The following BAZ2B variants were observed in gnomAD, a reference collection of about 807,000 sequenced individuals.
The protein encoded by BAZ2B is bromodomain adjacent to zinc finger domain protein 2B.
In BAZ2B, 91 loss-of-function variants were observed where a neutral mutation model predicts 246.0. The observed-to-expected ratio is 0.37, with a 90% confidence interval of 0.31 to 0.44. The LOEUF is 0.44. Among genes scored for constraint, BAZ2B ranks in the 20% least tolerant of loss-of-function variants. BAZ2B has a pLI of 1.00. For synonymous variants in BAZ2B, 855 were observed against 860.0 expected (o/e 0.99, Z 0.10); for missense variants, 2,332 against 2,533.7 (o/e 0.92, Z 1.71).
At chr2:159,498,965 A>G (rs909704598) in intron 2 of BAZ2B, among the ~76,000 whole-genome samples, 83 of 152,250 alleles carry the variant, frequency 5.5e-4, no homozygotes, top group African/African-American at 2.0e-3. Flanking sequence ...GGCCAAATAC[A>G]TAACAAAATA....
chr2:159,652,040 T>C, the BAZ2B span, among the ~76,000 whole-genome samples: 1 of 152,196 alleles, frequency 6.6e-6, no homozygotes. Context: ...ATGTATTTAT[T>C]CCACTCTTTT....
chr2:159,398,711 T>C, intron 18 of BAZ2B, 118 bp downstream of exon 18: 2 of 878,176 alleles, frequency 2.3e-6, no homozygotes, highest in Non-Finnish European at 3.4e-6. Flanking sequence ...TAGTATCTGC[T>C]AAACATATTT....
At chr2:159,513,130 C>T (rs1412870423) in intron 2 of BAZ2B, among the ~76,000 whole-genome samples, 2 of 152,084 alleles carry the variant, frequency 1.3e-5, no homozygotes, top group African/African-American at 2.4e-5. Flanking sequence ...CATGACAGTA[C>T]TAAAGTGAGA....
chr2:159,543,731 TTGCCATGTTGGCCAG>T (rs2151397898), intron 2 of BAZ2B, among the ~76,000 whole-genome samples: 1 of 152,320 alleles, frequency 6.6e-6, no homozygotes, highest in Non-Finnish European at 1.5e-5. Context: ...AGACGAGGTT[TTGCCATGTTGGCCAG>T]GCTGGTCTTG....
At chr2:159,332,813 G>A (rs1216921357) in intron 33 of BAZ2B, 127 bp from the exon 34 acceptor site, 2 of 1,071,002 alleles carry the variant, frequency 1.9e-6, no homozygotes, top group Admixed American at 4.8e-5. Flanking sequence ...CAAATATACA[G>A]TAGCCATACA....
rs549108977 is a variant in BAZ2B at position 159,353,651 on chromosome 2, G to T, written c.4214-3294C>A. Among the ~76,000 whole-genome samples the T allele has an allele frequency of 1.3e-3, 205 of 152,282 alleles. 1 individual carries two copies. The highest frequency in any genetic ancestry group is 4.8e-3 in the African/African-American group (201 of 41,572). On this transcript the variant is annotated intron_variant, in intron 27 of 36. Coordinates refer to ENST00000392783, the MANE Select transcript of BAZ2B (RefSeq NM_013450.4). ...ATATGTGTGAGGCTTGGTGAAAAAAGTACCTTAAAGGATTAGAGGGGAAAG... is the reference window on the plus strand; with the variant it reads ...ATATGTGTGAGGCTTGGTGAAAAAATTACCTTAAAGGATTAGAGGGGAAAG...
At chr2:159,663,549 C>CT in the BAZ2B span, among the ~76,000 whole-genome samples, 6 of 147,996 alleles carry the variant, frequency 4.1e-5, no homozygotes, top group African/African-American at 1.2e-4. Flanking sequence ...GAGTCACACT[C>CT]TGTCACCCAG....
At chr2:159,388,842 G>C (rs955157688) in intron 21 of BAZ2B, among the ~76,000 whole-genome samples, 3 of 152,040 alleles carry the variant, frequency 2.0e-5, no homozygotes, top group African/African-American at 7.2e-5. Flanking sequence ...TGAGGTGGCT[G>C]TATCACTTGA....
Position 159,446,959 on chromosome 2 carries a change from T to C in BAZ2B, c.519A>G (p.Ile173Met), listed in dbSNP as rs1297313510. ...NGPEKGVNGS[I>M]NGSNTSSVIG... ...TTACAGATGATGTATTACTTCCATTTATTGACCCATTTACACCTTGAAAAT... is the reference window on the plus strand; with the variant it reads ...TTACAGATGATGTATTACTTCCATTCATTGACCCATTTACACCTTGAAAAT... Residue 173 changes from isoleucine to methionine, a missense_variant, in exon 6 of 37, where the codon ATA becomes ATG. By Grantham distance (10) the Ile-to-Met change is conservative. Transcript: ENST00000392783. 2 of 1,581,234 alleles carry C rather than the reference T, an allele frequency of 1.3e-6. No homozygotes were observed. The highest frequency in any genetic ancestry group is 1.7e-6 in the Non-Finnish European group (2 of 1,166,330).
At chr2:159,341,086 T>C (rs956662889) in intron 31 of BAZ2B, among the ~76,000 whole-genome samples, 1 of 151,950 alleles carries the variant, frequency 6.6e-6, no homozygotes, top group Non-Finnish European at 1.5e-5. Flanking sequence ...ACTGGCTGGA[T>C]TAAAAAAACA....
chr2:159,329,864 T>C (rs555831029), intron 34 of BAZ2B, among the ~76,000 whole-genome samples: 1 of 152,300 alleles, frequency 6.6e-6, no homozygotes, highest in Admixed American at 6.5e-5. Flanking sequence ...AGGATACTAA[T>C]TTAAGAAAAT....
At chr2:159,444,974 T>TA (rs1311395584) in intron 6 of BAZ2B, 2 of 152,254 alleles carry the variant, frequency 1.3e-5, no homozygotes, top group Non-Finnish European at 2.9e-5. Context: ...AATCCACTGA[T>TA]AAGAGTGTTC....
At chr2:159,357,448 G>C (rs1271340793) in intron 27 of BAZ2B, among the ~76,000 whole-genome samples, 5 of 151,616 alleles carry the variant, frequency 3.3e-5, no homozygotes, top group African/African-American at 1.2e-4. Flanking sequence ...AATGAACAAA[G>C]CTTCCAAGAA....
At chr2:159,692,331 T>G in the BAZ2B span, among the ~76,000 whole-genome samples, 2 of 152,130 alleles carry the variant, frequency 1.3e-5, no homozygotes, top group Non-Finnish European at 2.9e-5. Context: ...TAATTTTTTG[T>G]ATTTTTAGTA....
At chr2:159,653,461 T>C in the BAZ2B span, among the ~76,000 whole-genome samples, 1 of 39,758 alleles carries the variant, frequency 2.5e-5, no homozygotes, top group East Asian at 3.3e-4. Context: ...TTCAATAGAA[T>C]ATATCAAAGA....
At chr2:159,474,675 G>C (rs1278854303) in intron 3 of BAZ2B, among the ~76,000 whole-genome samples, 1 of 152,164 alleles carries the variant, frequency 6.6e-6, no homozygotes, top group East Asian at 1.9e-4. Context: ...AATTTGGTGT[G>C]TTTTTGCAGT....
rs57418948 is a variant in BAZ2B, at chr2:159,551,466, CAAAAA to C, written c.-3+4352_-3+4356del. Among the ~76,000 whole-genome samples the C allele has an allele frequency of 0.029, 2,058 of 71,586 alleles. 78 individuals are homozygous for C. In the East Asian group the frequency reaches 0.37, roughly 13 times the overall value. The allele number at this position is 71,586 out of a possible 152,430, so 47.0% of individuals were successfully genotyped here. On this transcript the variant is annotated intron_variant, in intron 2 of 36. Coordinates refer to ENST00000392783, the MANE Select transcript of BAZ2B (RefSeq NM_013450.4). ...CCTGGGTGACAGTGAGACTCAGACTCAAAAAAAAAAAAAAAAAAAAAAAAGTTGCC... is the reference window on the plus strand; with the variant it reads ...CCTGGGTGACAGTGAGACTCAGACTCAAAAAAAAAAAAAAAAAAAGTTGCC...
intron 13 of BAZ2B, among the ~76,000 whole-genome samples, chr2:159,418,951 A>G (rs2068245307): frequency 6.6e-6 from 1 of 152,172 alleles, no homozygotes; most frequent in Non-Finnish European, 1.5e-5. Flanking sequence ...TATGTTTTAA[A>G]TCTGGATTAA....
At chr2:159,465,017 A>G (rs953830393) in intron 3 of BAZ2B, among the ~76,000 whole-genome samples, 1 of 152,224 alleles carries the variant, frequency 6.6e-6, no homozygotes, top group Non-Finnish European at 1.5e-5. Context: ...GACTGGGTGT[A>G]TTAGTTTGCT....
Sources: allele counts gnomAD v4.1 joint callset (sites outside exome capture counted in the v4.1 genomes callset), GRCh38; gene constraint gnomAD v4.1.1; transcripts MANE v1.5; gene names NCBI Gene and HGNC (gene_info 2026-07-23, HGNC 2026-07-21).